The following DMD variants were observed in gnomAD, a reference collection of about 807,000 sequenced individuals.
DMD encodes the protein mutant dystrophin.
Under a neutral mutation model 330.1 loss-of-function variants are expected in DMD, and 63 were observed. The observed-to-expected ratio is 0.19, with a 90% CI of 0.16 to 0.24. DMD has a LOEUF of 0.24. Ranked by LOEUF, DMD falls within the 10% of genes least tolerant of loss-of-function variation. The pLI, the probability that DMD is intolerant of heterozygous loss-of-function variation, is 1.00. For synonymous variants in DMD, 1,223 were observed against 959.8 expected (o/e 1.27, Z -5.07); for missense variants, 3,344 against 2,684.1 (o/e 1.25, Z -5.43).
chrX:32,394,934 G>GAAAAAAAAAAAAAAAAAAAAAAA (rs1569560916), intron 30 of DMD, among the ~76,000 whole-genome samples: 1 of 69,031 alleles, frequency 1.4e-5, no homozygotes, highest in African/African-American at 4.8e-5. Flanking sequence ...AAAAAAAAAA[G>GAAAAAAAAAAAAAAAAAAAAAAA]AAAAGAAATC....
At chrX:31,975,017 T>C (rs1432331661) in intron 44 of DMD, among the ~76,000 whole-genome samples, 2 of 110,334 alleles carry the variant, frequency 1.8e-5, no homozygotes, top group Non-Finnish European at 3.8e-5. Flanking sequence ...GTTGTTTTTC[T>C]TTCTCTTCCA....
rs1240471504 is a variant in DMD at position 32,645,288 on chromosome X, A to T, written c.961-136T>A. ...GCATTATCAAACACAGGAACAGCAGATACAGACAATAGGGAGTTTTCATTT... is the reference window on the plus strand; with the variant it reads ...GCATTATCAAACACAGGAACAGCAGTTACAGACAATAGGGAGTTTTCATTT... On this transcript the variant is annotated intron_variant, in intron 9 of 78. Transcript: ENST00000357033. 3.7e-5 allele frequency: 24 copies of T among 646,280 alleles called. No individual in the cohort carries two copies. In the East Asian group the frequency reaches 8.0e-4, roughly 22 times the overall value. The allele number at this position is 646,280 out of a possible 1,213,427, so 53.3% of individuals were successfully genotyped here. A position where few individuals can be genotyped will look rare whatever the true frequency, so the allele number is the denominator to read the frequency against.
intron 17 of DMD, among the ~76,000 whole-genome samples, chrX:32,523,134 C>G (rs1329092776): frequency 9.0e-6 from 1 of 111,452 alleles, no homozygotes; most frequent in Non-Finnish European, 1.9e-5. Flanking sequence ...TGACATTGCT[C>G]TTGTTTGCAC....
intron 48 of DMD, among the ~76,000 whole-genome samples, chrX:31,866,982 C>A (rs955486949): frequency 1.8e-5 from 2 of 110,056 alleles, no homozygotes; most frequent in East Asian, 2.8e-4. Context: ...GTGTATTGAT[C>A]AAAAATGAGT....
intron 7 of DMD, among the ~76,000 whole-genome samples, chrX:32,787,239 TGTGTGTGTGAGA>T (rs2075441170): frequency 9.8e-6 from 1 of 102,077 alleles, no homozygotes; most frequent in Non-Finnish European, 2.0e-5. Context: ...TGTGTGTGTG[TGTGTGTGTGAGA>T]GAGAGAGAGA....
chrX:31,321,062 T>C (rs2056377402), intron 62 of DMD, among the ~76,000 whole-genome samples: 1 of 111,559 alleles, frequency 9.0e-6, no homozygotes, highest in Non-Finnish European at 1.9e-5. Context: ...AGGGCATATC[T>C]AAAGCTAATT....
In DMD at chrX:31,574,953, A is replaced by T. The variant is rs1022566733; in HGVS notation, c.8217+52720T>A. On this transcript the variant is annotated intron_variant, in intron 55 of 78. Transcript: ENST00000357033. ...TTTCATGGCTCTAATGCAATCACAA[A>T]ATATATATTCGGTATCAAGATATAT... Among the ~76,000 whole-genome samples the T allele has an allele frequency of 1.5e-4, 17 of 111,919 alleles. No homozygotes were observed. In the East Asian group the frequency reaches 1.9e-3, roughly 13 times the overall value.
intron 9 of DMD, among the ~76,000 whole-genome samples, chrX:32,658,669 A>G (rs1304986954): frequency 1.8e-5 from 2 of 110,470 alleles, no homozygotes; most frequent in African/African-American, 6.6e-5. Flanking sequence ...ATTGATTCTC[A>G]TTGGGTCACT....
chrX:32,863,526 G>A (rs868504833), intron 2 of DMD, among the ~76,000 whole-genome samples: 66 of 50,563 alleles, frequency 1.3e-3, no homozygotes, highest in African/African-American at 0.011. Flanking sequence ...AAAAAAAAAA[G>A]ATTGTGTTTA....
intron 32 of DMD, among the ~76,000 whole-genome samples, chrX:32,386,882 TATCA>T (rs2097962007): frequency 9.1e-6 from 1 of 110,350 alleles, no homozygotes; most frequent in Non-Finnish European, 1.9e-5. Context: ...GAGTGGTTAC[TATCA>T]ATCAGATAGT....
chrX:31,391,689 G>A (rs1331665862), intron 60 of DMD, among the ~76,000 whole-genome samples: 2 of 109,490 alleles, frequency 1.8e-5, no homozygotes, highest in African/African-American at 3.3e-5. Flanking sequence ...TGATCAACAT[G>A]GTGAAACCCC....
At chrX:32,637,580 G>C (rs1312126971) in intron 11 of DMD, among the ~76,000 whole-genome samples, 1 of 111,656 alleles carries the variant, frequency 9.0e-6, no homozygotes, top group Non-Finnish European at 1.9e-5. Flanking sequence ...GCTAATTAAA[G>C]ACATAATAGA....
chrX:31,230,524 C>T (rs1341568379), intron 63 of DMD, among the ~76,000 whole-genome samples: 3 of 110,495 alleles, frequency 2.7e-5, no homozygotes, highest in Non-Finnish European at 5.7e-5. Flanking sequence ...TGGTGCACAC[C>T]TGTAATCCTA....
intron 53 of DMD, among the ~76,000 whole-genome samples, chrX:31,662,749 T>TA (rs1366523291): frequency 8.0e-5 from 9 of 111,911 alleles, no homozygotes; most frequent in Non-Finnish European, 1.1e-4. Context: ...TTGTCATCTG[T>TA]AAACTAGGAT....
At chrX:32,603,520 A>T (rs2056407304) in intron 12 of DMD, among the ~76,000 whole-genome samples, 1 of 111,374 alleles carries the variant, frequency 9.0e-6, no homozygotes, top group Admixed American at 9.6e-5. Flanking sequence ...ATCAGAGCAG[A>T]ACTAAATGAA....
At chrX:32,832,408 A>T (rs942369648) in intron 4 of DMD, among the ~76,000 whole-genome samples, 1 of 111,387 alleles carries the variant, frequency 9.0e-6, no homozygotes, top group Admixed American at 9.6e-5. Flanking sequence ...ATGTACTTCC[A>T]CCATCTATTT....
At chrX:31,498,475 T>C (rs2147091307) in intron 56 of DMD, among the ~76,000 whole-genome samples, 1 of 112,368 alleles carries the variant, frequency 8.9e-6, no homozygotes, top group South Asian at 3.7e-4. Context: ...TATGATGACA[T>C]AGCCAAATAT....
chrX:32,037,252 A>G (rs1176828875), intron 44 of DMD, among the ~76,000 whole-genome samples: 2 of 112,027 alleles, frequency 1.8e-5, no homozygotes, highest in Non-Finnish European at 3.8e-5. Context: ...GTGAAAAATC[A>G]TGTCTTCATG....
intron 60 of DMD, among the ~76,000 whole-genome samples, chrX:31,368,346 G>A (rs990233982): frequency 9.0e-6 from 1 of 111,637 alleles, no homozygotes; most frequent in Admixed American, 9.5e-5. Flanking sequence ...GAATCTTTCC[G>A]ACGTTGTGTG....
Sources: gnomAD v4.1 joint callset for allele counts (sites outside exome capture counted in the v4.1 genomes callset) on GRCh38, gnomAD v4.1.1 for gene constraint, MANE v1.5 for transcripts, NCBI Gene and HGNC (gene_info 2026-07-23, HGNC 2026-07-21) for gene names.